Variants in TNNI2 observed in about 807,000 individuals in gnomAD.
TNNI2 encodes troponin I, fast skeletal muscle.
A neutral mutation model predicts 26.5 loss-of-function variants in TNNI2; 14 were observed. The observed-to-expected ratio is 0.53, with a 90% CI of 0.35 to 0.83. The LOEUF (loss-of-function observed/expected upper bound fraction) is 0.83, where lower values mean the gene tolerates loss of function less well. Ranked by LOEUF, TNNI2 falls within the 40% of genes least tolerant of loss-of-function variation. The probability of loss-of-function intolerance (pLI) is 0.01; values close to 1 mark genes in which losing one functional copy is unlikely to be tolerated. For synonymous variants in TNNI2, 126 were observed against 97.6 expected (o/e 1.29, Z -1.71); for missense variants, 205 against 248.5 (o/e 0.82, Z 1.18).
At chr11:1,839,923 G>A in intron 3 of TNNI2, 68 bp downstream of exon 3, 1 of 1,606,022 alleles carries the variant, frequency 6.2e-7, no homozygotes, top group Non-Finnish European at 8.5e-7. Flanking sequence ...TAGGTCATAG[G>A]TCACAGCCTC....
Position 1,840,586 on chromosome 11 carries a change from C to T in TNNI2, c.116C>T (p.Ala39Val). The change falls in exon 5 of 8, where the codon GCA becomes GTA. Residue 39 changes from alanine to valine, a missense_variant. Coordinates refer to ENST00000381911, the MANE Select transcript of TNNI2 (RefSeq NM_003282.4). Reference protein sequence around the residue: ...ELEKEESRREAEKQNYLAEHC... With the variant: ...ELEKEESRREVEKQNYLAEHC... ...GAGAAGGAGGAGAGCCGCCGTGAGG[C>T]AGAGAAGCAGAACTACCTGGCGGAG... 6.2e-7 allele frequency: 1 copy of T among 1,612,814 alleles called. No homozygotes were observed. Among genetic ancestry groups the T allele is most frequent in the Non-Finnish European group, 8.5e-7 (1 of 1,179,876 alleles).
At position 1,840,812 on chromosome 11, in the gene TNNI2, C is replaced by T. The variant is rs1341027013; in HGVS notation, c.187-7C>T. 1.9e-6 allele frequency: 3 copies of T among 1,610,950 alleles called. No individual in the cohort carries two copies. Among genetic ancestry groups the T allele is most frequent in the Admixed American group, 3.3e-5 (2 of 59,880 alleles). ...GGACGGCCGCCCGCCCCCACACCCA[C>T]CCCTAGGAGCTCTGCAAACAGCTGC... On this transcript the variant is annotated splice_polypyrimidine_tract_variant and splice_region_variant and intron_variant, in intron 5 of 7. Transcript: ENST00000381911.
rs748765329 is a variant in TNNI2, at chr11:1,840,546, G to C, written c.76G>C (p.Ala26Pro). The C allele has an allele frequency of 6.2e-7, 1 of 1,612,426 alleles. No individual in the cohort carries two copies. The highest frequency in any genetic ancestry group is 1.1e-5 in the South Asian group (1 of 91,076). Residue 26 changes from alanine (A) to proline (P), a missense_variant, in exon 5 of 8, where the codon GCG becomes CCG. Coordinates refer to ENST00000381911, the MANE Select transcript of TNNI2 (RefSeq NM_003282.4). ...QHLKSVMLQI[A>P]ATELEKEESR... ...ACCGCAGAGTGTGATGCTGCAGATA[G>C]CGGCCACGGAGCTGGAGAAGGAGGA...
At chr11:1,841,409 T>A in intron 7 of TNNI2, 47 bp from the exon 8 acceptor site, 1 of 1,598,940 alleles carries the variant, frequency 6.3e-7, no homozygotes, top group South Asian at 1.1e-5. Flanking sequence ...CCAGGGTGCG[T>A]GCATAAGTGG....
chr11:1,840,799 G>A lies in TNNI2; in HGVS notation c.187-20G>A, dbSNP rs542566013. ...CTGCCAAGTGTCAGGACGGCCGCCC[G>A]CCCCCACACCCACCCCTAGGAGCTC... On this transcript the variant is annotated intron_variant, in intron 5 of 7. Transcript: ENST00000381911. 22 of 1,161,950 alleles carry A rather than the reference G, an allele frequency of 1.9e-5. No homozygotes were observed. Among genetic ancestry groups the A allele is most frequent in the Middle Eastern group, 2.2e-4 (1 of 4,518 alleles). 72.0% of individuals were successfully genotyped at this position (1,161,950 alleles called of 1,614,324 possible).
At chr11:1,840,053 G>A in intron 3 of TNNI2, 198 bp downstream of exon 3, 1 of 1,062,116 alleles carries the variant, frequency 9.4e-7, no homozygotes, top group Non-Finnish European at 1.4e-6. Flanking sequence ...TGGGGCAGGG[G>A]AAGTGTGGCT....
intron 5 of TNNI2, 51 bp from the exon 6 acceptor site, chr11:1,840,768 C>T: frequency 1.9e-6 from 3 of 1,600,946 alleles, no homozygotes; most frequent in Non-Finnish European, 2.6e-6. Flanking sequence ...GGGCAGGTGA[C>T]CGTGGCTGCC....
intron 5 of TNNI2, 68 bp downstream of exon 5, chr11:1,840,724 C>G: frequency 1.2e-6 from 2 of 1,610,714 alleles, no homozygotes; most frequent in Non-Finnish European, 1.7e-6. Flanking sequence ...AGTTTCCCCA[C>G]TTGTCAAGAG....
At chr11:1,839,809 T>G in intron 2 of TNNI2, 40 bp from the exon 3 acceptor site, 1 of 1,613,668 alleles carries the variant, frequency 6.2e-7, no homozygotes, top group Non-Finnish European at 8.5e-7. Context: ...AACCTCTGTC[T>G]TCTCTCCCCG....
In TNNI2 at chr11:1,839,777, C is replaced by G. The variant is rs886454927; in HGVS notation, c.9-72C>G. 4.3e-6 allele frequency: 7 copies of G among 1,612,332 alleles called. No individual in the cohort carries two copies. The Middle Eastern group carries it at 5.0e-4, about 114-fold the overall frequency. Reference sequence around the variant, plus strand: ...GCCCTGTCCACCCCATCACACACTCCGACCCCGCCAGCCATGGCCCTAACC... The same window carrying G: ...GCCCTGTCCACCCCATCACACACTCGGACCCCGCCAGCCATGGCCCTAACC... On this transcript the variant is annotated intron_variant, in intron 2 of 7. Coordinates refer to ENST00000381911, the MANE Select transcript of TNNI2 (RefSeq NM_003282.4).
At chr11:1,839,527 G>C (rs1164193553) in intron 1 of TNNI2, 148 bp from the exon 2 acceptor site, 1 of 707,010 alleles carries the variant, frequency 1.4e-6, no homozygotes, top group Non-Finnish European at 2.4e-6. Context: ...CCTTGAAGGA[G>C]GTGAGAGTAG....
intron 1 of TNNI2, 162 bp from the exon 2 acceptor site, chr11:1,839,513 T>C (rs1036951596): frequency 1.7e-5 from 10 of 575,476 alleles, no homozygotes; most frequent in Admixed American, 5.3e-5. Context: ...TTCCAAGACA[T>C]TGTCCTTGAA....
At chr11:1,841,391 G>A in intron 7 of TNNI2, 65 bp from the exon 8 acceptor site, 2 of 1,571,212 alleles carry the variant, frequency 1.3e-6, no homozygotes, top group Non-Finnish European at 8.8e-7. Context: ...GGCTGAAGGT[G>A]GTGTGGACCA....
At position 1,841,443 on chromosome 11, in the gene TNNI2, C is replaced by A; in HGVS notation, c.454-13C>A. ...GGGTGAGCCTGAGCTCTCTCCTGCC[C>A]TCTCCTCCACAGGAGCGGGACCTGC... On this transcript the variant is annotated splice_polypyrimidine_tract_variant and intron_variant, in intron 7 of 7. Coordinates refer to ENST00000381911, the MANE Select transcript of TNNI2 (RefSeq NM_003282.4). 1 of 1,613,728 alleles carries A rather than the reference C, an allele frequency of 6.2e-7. No individual in the cohort carries two copies. The highest frequency in any genetic ancestry group is 1.7e-5 in the Admixed American group (1 of 60,016).
In TNNI2 at chr11:1,841,196, G is replaced by A. The variant is rs752709625; in HGVS notation, c.442G>A (p.Asp148Asn). The A allele has an allele frequency of 6.2e-7, 1 of 1,612,554 alleles. No individual in the cohort carries two copies. The highest frequency in any genetic ancestry group is 1.3e-5 in the African/African-American group (1 of 74,922). ...CAACCTGAAGCAGGTCAAGAAGGAG[G>A]ACACAGAGAAGGTGCGTGCCACGGG... is the stretch of plus-strand genomic sequence containing the variant. The part of the protein sequence containing the change: ...RANLKQVKKE[D>N]TEKERDLRDV... The change falls in exon 7 of 8, where the codon GAC becomes AAC. Residue 148 changes from aspartate to asparagine, a missense_variant. By Grantham distance (23) the Asp-to-Asn change is conservative. Transcript: ENST00000381911.
chr11:1,839,614 T>A (rs1847118865), intron 1 of TNNI2, 61 bp from the exon 2 acceptor site: 2 of 1,595,892 alleles, frequency 1.3e-6, no homozygotes, highest in African/African-American at 2.7e-5. Flanking sequence ...ACCTACCTGA[T>A]GGGCACAGGC....
chr11:1,839,765 C>G lies in TNNI2; in HGVS notation c.8+61C>G, dbSNP rs1357685846. 34 of 1,612,832 alleles carry G rather than the reference C, an allele frequency of 2.1e-5. No individual in the cohort carries two copies. In the Middle Eastern group the frequency reaches 9.9e-4, roughly 47 times the overall value. On this transcript the variant is annotated intron_variant, in intron 2 of 7. Coordinates refer to ENST00000381911, the MANE Select transcript of TNNI2 (RefSeq NM_003282.4). ...TGCCCACCTCCTGCCCTGTCCACCC[C>G]ATCACACACTCCGACCCCGCCAGCC...
Position 1,840,638 on chromosome 11 carries a change from C to T in TNNI2, c.168C>T (p.Gly56=), listed in dbSNP as rs1310445292. ...ACTGCCCGCCGCTGCATATCCCGGG[C>T]TCCATGTCTGAAGTGCAGGTACCAG... ...AEHCPPLHIP[G]SMSEVQELCK... Residue 56 remains glycine, a synonymous_variant, in exon 5 of 8, where the codon GGC becomes GGT. Coordinates refer to ENST00000381911, the MANE Select transcript of TNNI2 (RefSeq NM_003282.4). 6 of 1,612,856 alleles carry T rather than the reference C, an allele frequency of 3.7e-6. No individual in the cohort carries two copies. In the Admixed American group the frequency reaches 5.0e-5, roughly 13 times the overall value.
intron 1 of TNNI2, 132 bp from the exon 2 acceptor site, chr11:1,839,543 G>T: frequency 1.2e-6 from 1 of 800,670 alleles, no homozygotes. Flanking sequence ...AGTAGGGGGA[G>T]GAGGTGAGAG....
Sources: allele counts gnomAD v4.1 joint callset, GRCh38; gene constraint gnomAD v4.1.1; transcripts MANE v1.5; gene names NCBI Gene and HGNC (gene_info 2026-07-23, HGNC 2026-07-21).